The following C1GALT1 variants were observed in gnomAD, a reference collection of about 807,000 sequenced individuals.
C1GALT1 encodes the protein glycoprotein-N-acetylgalactosamine 3-beta-galactosyltransferase 1.
In C1GALT1, 11 loss-of-function variants were observed where a neutral mutation model predicts 31.0. The ratio of observed to expected loss-of-function variants is 0.36; its 90% CI spans 0.22 to 0.59. The LOEUF is 0.59. C1GALT1 is among the 20% of genes least tolerant of loss of function. The pLI is 0.79. For synonymous variants in C1GALT1, 175 were observed against 143.6 expected (o/e 1.22, Z -1.56); for missense variants, 424 against 425.2 (o/e 1.00, Z 0.03).
At position 7,248,217 on chromosome 7, in the gene C1GALT1, T is replaced by C. The variant is rs1783925337; in HGVS notation, c.*4490T>C. 1 of 151,994 alleles carries C rather than the reference T, an allele frequency of 6.6e-6. No homozygotes were observed. The highest frequency in any genetic ancestry group is 1.9e-4 in the East Asian group (1 of 5,202). The allele number at this position is 151,994 out of a possible 1,614,324, so 9.4% of individuals were successfully genotyped here. On this transcript the variant is annotated 3_prime_UTR_variant, in exon 4 of 4. Coordinates refer to ENST00000436587, the MANE Select transcript of C1GALT1 (RefSeq NM_020156.5). ...TTAATACAGGCTAGAATAAGGAATT[T>C]TACAAATTCTCTTTAGAGCAACCAA...
In C1GALT1 at chr7:7,234,421, G is replaced by A. The variant is rs772949203; in HGVS notation, c.102G>A (p.Lys34=). ...SQLFSILLGE[K]VDTQPNVLHN... ...TATTTAGTATTTTGTTGGGAGAAAA[G>A]GTTGACACCCAGCCTAATGTTCTTC... The change falls in exon 2 of 4, where the codon AAG becomes AAA. Residue 34 remains lysine, a synonymous_variant. Transcript: ENST00000436587. 21 of 1,613,800 alleles carry A rather than the reference G, an allele frequency of 1.3e-5. No homozygotes were observed. The highest frequency in any genetic ancestry group is 1.8e-5 in the Non-Finnish European group (21 of 1,179,764).
At chr7:7,158,704 G>A (rs1328129292) in intron 2 of C1GALT1, among the ~76,000 whole-genome samples, 1 of 151,294 alleles carries the variant, frequency 6.6e-6, no homozygotes, top group African/African-American at 2.4e-5. Context: ...TTTTATAAAA[G>A]CTGTATCATG....
intron 1 of C1GALT1, among the ~76,000 whole-genome samples, chr7:7,192,889 A>G (rs955275342): frequency 2.6e-5 from 4 of 152,008 alleles, no homozygotes; most frequent in African/African-American, 9.7e-5. Flanking sequence ...TTTGATTTGC[A>G]TTTCCCTGAT....
chr7:7,225,590 C>T (rs1231272131), intron 1 of C1GALT1, among the ~76,000 whole-genome samples: 1 of 152,154 alleles, frequency 6.6e-6, no homozygotes, highest in African/African-American at 2.4e-5. Context: ...ATATGGAAAA[C>T]ACTGTATGGG....
At chr7:7,228,368 A>C (rs886235287) in intron 1 of C1GALT1, among the ~76,000 whole-genome samples, 3 of 152,182 alleles carry the variant, frequency 2.0e-5, no homozygotes, top group Non-Finnish European at 4.4e-5. Flanking sequence ...TACTTTTAAA[A>C]TATCCTCAAG....
chr7:7,230,344 T>C (rs528258572), intron 1 of C1GALT1, among the ~76,000 whole-genome samples: 2 of 152,150 alleles, frequency 1.3e-5, no homozygotes, highest in Non-Finnish European at 2.9e-5. Flanking sequence ...GCCATGTAAC[T>C]ACTAGTTTTT....
At chr7:7,222,868 A>G (rs186153438) in intron 1 of C1GALT1, among the ~76,000 whole-genome samples, 7 of 150,998 alleles carry the variant, frequency 4.6e-5, no homozygotes, top group Admixed American at 4.6e-4. Context: ...CAAATTTTGT[A>G]TTATAATTCA....
intron 2 of C1GALT1, among the ~76,000 whole-genome samples, chr7:7,165,321 A>T (rs1352946470): frequency 6.6e-6 from 1 of 152,214 alleles, no homozygotes; most frequent in African/African-American, 2.4e-5. Flanking sequence ...TAAAGCACGC[A>T]TCTAGGAGCC....
Position 7,173,061 on chromosome 7 carries a change from G to A in C1GALT1, c.-18+15635G>A, listed in dbSNP as rs140051308. On this transcript the variant is annotated intron_variant, in intron 2 of 3. Coordinates refer to the C1GALT1 transcript ENST00000429911. ...CAATATGCACTTAAGGTTTGATATA[G>A]TTTGGATATTTCTCTTTGCCTGAAT... Among the ~76,000 whole-genome samples the A allele has an allele frequency of 9.5e-4, 145 of 152,238 alleles. 1 individual carries two copies. Among genetic ancestry groups the A allele is most frequent in the Non-Finnish European group, 1.6e-3 (109 of 68,016 alleles).
intron 1 of C1GALT1, among the ~76,000 whole-genome samples, chr7:7,190,960 T>C (rs1356085932): frequency 2.6e-5 from 4 of 152,176 alleles, no homozygotes; most frequent in Admixed American, 6.5e-5. Context: ...ACCTTTTTTT[T>C]TCCAAACTTT....
chr7:7,196,842 T>G (rs568044665), intron 1 of C1GALT1, among the ~76,000 whole-genome samples: 1 of 152,354 alleles, frequency 6.6e-6, no homozygotes, highest in Non-Finnish European at 1.5e-5. Context: ...TCATGTGTTT[T>G]TTGGCTGCAT....
rs575391868 is a variant in C1GALT1, at chr7:7,237,953, C to T, written c.221-302C>T. On this transcript the variant is annotated intron_variant, in intron 2 of 3. Coordinates refer to ENST00000436587, the MANE Select transcript of C1GALT1 (RefSeq NM_020156.5). Reference sequence around the variant, plus strand: ...CAGTAGGTCTGGGCCTAAGATTATGCATTTCTAACAGGCTCCCAGGTGATG... The same window carrying T: ...CAGTAGGTCTGGGCCTAAGATTATGTATTTCTAACAGGCTCCCAGGTGATG... Among the ~76,000 whole-genome samples, 21 of 152,268 alleles carry T rather than the reference C, an allele frequency of 1.4e-4. No individual in the cohort carries two copies. In the South Asian group the frequency reaches 3.9e-3, roughly 29 times the overall value.
At chr7:7,202,621 C>G (rs571933874) in intron 1 of C1GALT1, among the ~76,000 whole-genome samples, 6 of 152,062 alleles carry the variant, frequency 3.9e-5, no homozygotes, top group Non-Finnish European at 8.8e-5. Flanking sequence ...TTTTTATTAA[C>G]GTAGCTTTGT....
intron 2 of C1GALT1, among the ~76,000 whole-genome samples, chr7:7,159,481 G>GAAGAGA (rs1235944690): frequency 6.6e-6 from 1 of 152,068 alleles, no homozygotes. Flanking sequence ...ATGCAAAGCG[G>GAAGAGA]AAGAGAAAGA....
chr7:7,166,842 T>C (rs561442653), intron 2 of C1GALT1, among the ~76,000 whole-genome samples: 24 of 152,326 alleles, frequency 1.6e-4, no homozygotes, highest in African/African-American at 5.3e-4. Context: ...CATGCCGCAG[T>C]AGTTATACAA....
At chr7:7,163,018 C>G (rs1397251547) in intron 2 of C1GALT1, among the ~76,000 whole-genome samples, 1 of 152,070 alleles carries the variant, frequency 6.6e-6, no homozygotes, top group East Asian at 1.9e-4. Flanking sequence ...GATATTAGCC[C>G]TTTGTCAGAT....
At chr7:7,198,592 TA>T (rs1781400781) in intron 1 of C1GALT1, among the ~76,000 whole-genome samples, 1 of 152,230 alleles carries the variant, frequency 6.6e-6, no homozygotes, top group South Asian at 2.1e-4. Context: ...TTGATTGGGA[TA>T]GTTTCAGAAG....
chr7:7,233,946 A>G (rs1021323539), intron 1 of C1GALT1, among the ~76,000 whole-genome samples: 2 of 151,532 alleles, frequency 1.3e-5, no homozygotes, highest in Admixed American at 6.6e-5. Flanking sequence ...GGTTGCTACC[A>G]GAGAAAAAGA....
intron 2 of C1GALT1, among the ~76,000 whole-genome samples, chr7:7,164,048 G>A (rs1398252816): frequency 6.6e-6 from 1 of 152,150 alleles, no homozygotes; most frequent in African/African-American, 2.4e-5. Context: ...GAGGCATCAT[G>A]CTACCTGACT....
Sources: allele counts gnomAD v4.1 joint callset (sites outside exome capture counted in the v4.1 genomes callset), GRCh38; gene constraint gnomAD v4.1.1; transcripts MANE v1.5; gene names NCBI Gene and HGNC (gene_info 2026-07-23, HGNC 2026-07-21).